ELP4: variants seen among roughly 807,000 people sequenced by gnomAD.
The protein encoded by ELP4 is elongator complex protein 4.
ELP4 carries 51 observed loss-of-function variants against 48.9 expected under a neutral mutation model. That is an observed-to-expected ratio of 1.04 (90% CI 0.83 to 1.32). ELP4 has a LOEUF of 1.32. ELP4 is among the 40% of genes most tolerant of loss of function. The pLI is 0.00. For synonymous variants in ELP4, 210 were observed against 189.2 expected, an observed-to-expected ratio of 1.11 and a Z score of -0.90; for missense variants, 519 against 514.6, an observed-to-expected ratio of 1.01 and a Z score of -0.08.
intron 7 of ELP4, chr11:31,645,997 T>G (rs987141675): frequency 6.7e-6 from 1 of 150,308 alleles, no homozygotes; most frequent in Non-Finnish European, 1.5e-5. Context: ...GGGTGAAGAA[T>G]AACTGGCTGA....
chr11:31,737,304 A>T (rs1434308832), intron 9 of ELP4, among the ~76,000 whole-genome samples: 2 of 151,520 alleles, frequency 1.3e-5, no homozygotes, highest in Admixed American at 6.6e-5. Context: ...AACATCACAC[A>T]CTGGGGCCTG....
intron 3 of ELP4, among the ~76,000 whole-genome samples, chr11:31,547,090 G>A (rs1956740072): frequency 6.6e-6 from 1 of 152,060 alleles, no homozygotes; most frequent in South Asian, 2.1e-4. Context: ...AGAACCAAGA[G>A]CAAACACATT....
chr11:31,601,519 G>GCATGAAAT (rs1253802829), intron 4 of ELP4, among the ~76,000 whole-genome samples: 16 of 152,064 alleles, frequency 1.1e-4, no homozygotes, highest in African/African-American at 3.9e-4. Context: ...AACTGTCTCA[G>GCATGAAAT]CATGAAATCA....
At chr11:31,567,851 A>G (rs1039431053) in intron 3 of ELP4, among the ~76,000 whole-genome samples, 7 of 152,216 alleles carry the variant, frequency 4.6e-5, no homozygotes, top group Non-Finnish European at 1.0e-4. Flanking sequence ...GCCTTAAGCA[A>G]GTTGTAATCT....
At chr11:31,535,286 A>G (rs1024668643) in intron 2 of ELP4, among the ~76,000 whole-genome samples, 1 of 152,222 alleles carries the variant, frequency 6.6e-6, no homozygotes, top group African/African-American at 2.4e-5. Flanking sequence ...GTTTTAATAA[A>G]TAAATGTTAT....
chr11:31,696,331 T>C (rs1005472365), intron 9 of ELP4, among the ~76,000 whole-genome samples: 5 of 152,200 alleles, frequency 3.3e-5, no homozygotes, highest in Non-Finnish European at 5.9e-5. Flanking sequence ...CTCTACACAC[T>C]GCTTTAAATG....
intron 9 of ELP4, among the ~76,000 whole-genome samples, chr11:31,745,984 C>A (rs898096296): frequency 3.9e-5 from 6 of 152,134 alleles, no homozygotes; most frequent in Non-Finnish European, 7.4e-5. Flanking sequence ...ATTTTTGCAA[C>A]CTACTCATCT....
chr11:31,653,261 AG>A (rs1196312530), intron 9 of ELP4: 2 of 151,756 alleles, frequency 1.3e-5, no homozygotes, highest in Non-Finnish European at 3.0e-5. Flanking sequence ...GATAAGTAAA[AG>A]TCAAAGTTTG....
At chr11:31,515,564 C>G (rs972895188) in intron 1 of ELP4, among the ~76,000 whole-genome samples, 1 of 152,104 alleles carries the variant, frequency 6.6e-6, no homozygotes, top group Non-Finnish European at 1.5e-5. Context: ...ATTTCAGAGG[C>G]TGAGATGGGA....
chr11:31,581,351 A>C (rs1957388850), intron 3 of ELP4, among the ~76,000 whole-genome samples: 2 of 152,180 alleles, frequency 1.3e-5, no homozygotes, highest in African/African-American at 2.4e-5. Flanking sequence ...ATAACTTGAG[A>C]GTGAATGGAG....
chr11:31,670,746 G>A (rs1219284669), intron 9 of ELP4, among the ~76,000 whole-genome samples: 2 of 151,856 alleles, frequency 1.3e-5, no homozygotes, highest in African/African-American at 4.8e-5. Flanking sequence ...TCTAAATTGG[G>A]TATTAAAATA....
chr11:31,701,024 G>A (rs1428947244), intron 9 of ELP4, among the ~76,000 whole-genome samples: 1 of 151,982 alleles, frequency 6.6e-6, no homozygotes, highest in Non-Finnish European at 1.5e-5. Context: ...TGGATTTCAA[G>A]CAGTACCTTT....
chr11:31,708,969 T>C (rs1946687215), intron 9 of ELP4, among the ~76,000 whole-genome samples: 1 of 152,178 alleles, frequency 6.6e-6, no homozygotes, highest in Admixed American at 6.5e-5. Flanking sequence ...ATTTAGACTT[T>C]CATCAGCATT....
chr11:31,661,866 A>C (rs1945564063), intron 9 of ELP4, among the ~76,000 whole-genome samples: 1 of 152,090 alleles, frequency 6.6e-6, no homozygotes, highest in Non-Finnish European at 1.5e-5. Flanking sequence ...ATAATTATGT[A>C]AAATGGAATT....
At chr11:31,667,722 G>A (rs1314872203) in intron 9 of ELP4, among the ~76,000 whole-genome samples, 4 of 152,066 alleles carry the variant, frequency 2.6e-5, no homozygotes, top group Non-Finnish European at 4.4e-5. Flanking sequence ...CTAGTGACAT[G>A]TATTTCTGAA....
chr11:31,716,734 A>T (rs1946848900), intron 9 of ELP4, among the ~76,000 whole-genome samples: 1 of 152,210 alleles, frequency 6.6e-6, no homozygotes, highest in Non-Finnish European at 1.5e-5. Context: ...ACCTAGCAGT[A>T]TGCTTTGGAT....
chr11:31,563,374 T>A (rs565552596), intron 3 of ELP4, among the ~76,000 whole-genome samples: 3 of 152,114 alleles, frequency 2.0e-5, no homozygotes, highest in Admixed American at 2.0e-4. Flanking sequence ...GTGAGAAGGG[T>A]CAAACTGTTA....
At chr11:31,679,110 G>T (rs1316672716) in intron 9 of ELP4, among the ~76,000 whole-genome samples, 1 of 152,044 alleles carries the variant, frequency 6.6e-6, no homozygotes, top group Non-Finnish European at 1.5e-5. Flanking sequence ...TTTAAATTAA[G>T]TTGGTTTTTC....
intron 9 of ELP4, among the ~76,000 whole-genome samples, chr11:31,665,058 A>G (rs955171688): frequency 1.3e-5 from 2 of 152,122 alleles, no homozygotes; most frequent in South Asian, 2.1e-4. Flanking sequence ...CCTTTTTGAC[A>G]CTAATAATGA....
Sources: gnomAD v4.1 joint callset for allele counts (sites outside exome capture counted in the v4.1 genomes callset) on GRCh38, gnomAD v4.1.1 for gene constraint, MANE v1.5 for transcripts, NCBI Gene and HGNC (gene_info 2026-07-23, HGNC 2026-07-21) for gene names.